The following SDK1 variants were observed in gnomAD, a reference collection of about 807,000 sequenced individuals.
SDK1 encodes the protein sidekick cell adhesion molecule 1, also known as protein sidekick-1.
Under a neutral mutation model 245.5 loss-of-function variants are expected in SDK1, and 157 were observed. The ratio of observed to expected loss-of-function variants is 0.64; its 90% CI spans 0.56 to 0.73. The LOEUF is 0.73. Ranked by LOEUF, SDK1 falls within the 30% of genes least tolerant of loss-of-function variation. The pLI, the probability that SDK1 is intolerant of heterozygous loss-of-function variation, is 0.00. For missense variants in SDK1, 3,583 were observed against 3,002.3 expected, an observed-to-expected ratio of 1.19 and a Z score of -4.52; for synonymous variants, 1,647 against 1,278.5, an observed-to-expected ratio of 1.29 and a Z score of -6.15.
In SDK1 at chr7:3,934,826, A is replaced by G. The variant is rs370901743; in HGVS notation, c.848-16097A>G. On this transcript the variant is annotated intron_variant, in intron 5 of 44. Coordinates refer to ENST00000404826, the MANE Select transcript of SDK1 (RefSeq NM_152744.4). ...AGCGGTGACCCCAGAAAGTGTGAGT[A>G]GAGGAGTGTGCAAAGGACACAGCAT... Among the ~76,000 whole-genome samples the G allele has an allele frequency of 1.7e-4, 26 of 152,322 alleles. No homozygotes were observed. The East Asian group carries it at 3.5e-3, about 20-fold the overall frequency.
chr7:3,583,078 T>G (rs1471747291), intron 1 of SDK1, among the ~76,000 whole-genome samples: 1 of 152,114 alleles, frequency 6.6e-6, no homozygotes, highest in Non-Finnish European at 1.5e-5. Context: ...GTAAAAGCAT[T>G]TGGACAAGGA....
At chr7:4,083,933 G>A (rs921809286) in intron 22 of SDK1, among the ~76,000 whole-genome samples, 6 of 151,910 alleles carry the variant, frequency 3.9e-5, no homozygotes, top group African/African-American at 1.5e-4. Flanking sequence ...GGGATGCTAA[G>A]TTGGGTGGCA....
At chr7:3,566,784 C>A (rs902292338) in intron 1 of SDK1, among the ~76,000 whole-genome samples, 3 of 149,788 alleles carry the variant, frequency 2.0e-5, no homozygotes, top group African/African-American at 7.4e-5. Context: ...CCACACACTT[C>A]ACAAAACAGT....
At chr7:3,918,927 G>C (rs1457748853) in intron 5 of SDK1, among the ~76,000 whole-genome samples, 2 of 152,156 alleles carry the variant, frequency 1.3e-5, no homozygotes, top group African/African-American at 4.8e-5. Flanking sequence ...CTGCTTTTCA[G>C]ATTGATGTGT....
intron 32 of SDK1, among the ~76,000 whole-genome samples, chr7:4,173,670 G>A (rs1426553786): frequency 6.6e-6 from 1 of 152,234 alleles, no homozygotes; most frequent in Non-Finnish European, 1.5e-5. Context: ...ACCGCAAGAT[G>A]ATAGGCCAGG....
chr7:3,897,191 A>G (rs763897534), intron 5 of SDK1, among the ~76,000 whole-genome samples: 2 of 152,240 alleles, frequency 1.3e-5, no homozygotes, highest in Admixed American at 6.5e-5. Flanking sequence ...GAGCCAAACC[A>G]TATCAATACA....
At chr7:4,165,476 C>T (rs765713313) in intron 32 of SDK1, among the ~76,000 whole-genome samples, 1 of 152,122 alleles carries the variant, frequency 6.6e-6, no homozygotes, top group Non-Finnish European at 1.5e-5. Flanking sequence ...CAATCCTTGC[C>T]TTTCATGGGA....
At chr7:3,435,211 T>C (rs910904136) in intron 1 of SDK1, among the ~76,000 whole-genome samples, 13 of 151,764 alleles carry the variant, frequency 8.6e-5, no homozygotes, top group African/African-American at 3.1e-4. Context: ...AAGATAGTGA[T>C]TGGGAGAAAG....
chr7:3,478,881 GTTT>G (rs1372332018), intron 1 of SDK1, among the ~76,000 whole-genome samples: 1 of 151,834 alleles, frequency 6.6e-6, no homozygotes, highest in African/African-American at 2.4e-5. Context: ...AATATATGGT[GTTT>G]TTATTATTTT....
rs534393516 is a variant in SDK1, at chr7:3,466,294, A to T, written c.299-152786A>T. 5.6e-4 allele frequency among the ~76,000 whole-genome samples: 85 copies of T among 151,518 alleles called. 2 individuals carry two copies. Among genetic ancestry groups the T allele is most frequent in the Middle Eastern group, 6.8e-3 (2 of 294 alleles). ...CTGCAGGCTCTGCCAAAAGACTTTG[A>T]CCTCACAAGTGAGATGTTCCATCCT... On this transcript the variant is annotated intron_variant, in intron 1 of 44. Coordinates refer to ENST00000404826, the MANE Select transcript of SDK1 (RefSeq NM_152744.4).
At position 3,577,747 on chromosome 7, in the gene SDK1, G is replaced by A. The variant is rs942667552; in HGVS notation, c.299-41333G>A. 3.3e-5 allele frequency among the ~76,000 whole-genome samples: 5 copies of A among 152,030 alleles called. 1 individual carries two copies. Among genetic ancestry groups the A allele is most frequent in the African/African-American group, 4.8e-5 (2 of 41,434 alleles). ...GGAAGGCATTTTCTGTGTTAGTAACGAGTGCACTGGCTTGCATTCAGCTTT... is the reference window on the plus strand; with the variant it reads ...GGAAGGCATTTTCTGTGTTAGTAACAAGTGCACTGGCTTGCATTCAGCTTT... On this transcript the variant is annotated intron_variant, in intron 1 of 44. Transcript: ENST00000404826.
intron 5 of SDK1, among the ~76,000 whole-genome samples, chr7:3,878,546 A>G (rs6954370): frequency 0.24 from 37,041 of 152,000 alleles, 4,893 homozygotes; most frequent in African/African-American, 0.35. Context: ...AAATAAATAA[A>G]TAAATAAAGG....
At chr7:3,759,075 C>T (rs1038952733) in intron 4 of SDK1, among the ~76,000 whole-genome samples, 2 of 152,268 alleles carry the variant, frequency 1.3e-5, no homozygotes, top group South Asian at 2.1e-4. Flanking sequence ...GTAAACTACC[C>T]TTAGGATTGC....
At chr7:3,548,876 G>T (rs930384744) in intron 1 of SDK1, among the ~76,000 whole-genome samples, 31 of 152,264 alleles carry the variant, frequency 2.0e-4, no homozygotes, top group African/African-American at 6.7e-4. Flanking sequence ...CATAAAGAAA[G>T]TATCACTTTG....
rs144405280 is a variant in SDK1, at chr7:3,563,042, G to A, written c.299-56038G>A. ...CAGAGCTAAACTTCTAGATGTTACC[G>A]TTATTGAGTGGAGGAGAAACCAAAG... is the stretch of plus-strand genomic sequence containing the variant. On this transcript the variant is annotated intron_variant, in intron 1 of 44. Transcript: ENST00000404826. Among the ~76,000 whole-genome samples the A allele has an allele frequency of 3.7e-3, 558 of 152,270 alleles. 1 individual carries two copies. Among genetic ancestry groups the A allele is most frequent in the Non-Finnish European group, 6.4e-3 (436 of 68,014 alleles).
intron 30 of SDK1, among the ~76,000 whole-genome samples, chr7:4,151,988 C>G (rs976336102): frequency 7.2e-5 from 11 of 152,138 alleles, no homozygotes; most frequent in African/African-American, 2.7e-4. Flanking sequence ...ATCTGAACAC[C>G]AAACTTTCCA....
intron 22 of SDK1, among the ~76,000 whole-genome samples, chr7:4,109,080 T>C (rs1263914215): frequency 2.6e-5 from 4 of 152,204 alleles, no homozygotes; most frequent in Non-Finnish European, 5.9e-5. Flanking sequence ...TGCTGGGCGT[T>C]TGCCTTGTTC....
At chr7:3,357,421 C>G (rs1476553784) in intron 1 of SDK1, among the ~76,000 whole-genome samples, 1 of 138,196 alleles carries the variant, frequency 7.2e-6, no homozygotes, top group Non-Finnish European at 1.5e-5. Context: ...GCGATCACGG[C>G]TCACTGCAGC....
Position 3,381,470 on chromosome 7 carries a change from C to G in SDK1, c.298+79586C>G, listed in dbSNP as rs181211230. Among the ~76,000 whole-genome samples the G allele has an allele frequency of 4.6e-5, 7 of 152,066 alleles. No individual in the cohort carries two copies. The East Asian group carries it at 1.4e-3, about 29-fold the overall frequency. On this transcript the variant is annotated intron_variant, in intron 1 of 44. Coordinates refer to ENST00000404826, the MANE Select transcript of SDK1 (RefSeq NM_152744.4). ...AGTGAGCCCCTCTCAAAAACTGATG[C>G]CAACTACGCAGGACAGAGAGGGGGC...
Sources: gnomAD v4.1 joint callset for allele counts (sites outside exome capture counted in the v4.1 genomes callset) on GRCh38, gnomAD v4.1.1 for gene constraint, MANE v1.5 for transcripts, NCBI Gene and HGNC (gene_info 2026-07-23, HGNC 2026-07-21) for gene names.